Variants in MBD3L2B observed in about 807,000 individuals in gnomAD.
The protein encoded by MBD3L2B is methyl-CpG binding domain protein 3 like 2B.
For synonymous variants in MBD3L2B, 50 were observed against 31.6 expected (o/e 1.58, Z -1.95); for missense variants, 127 against 78.7 (o/e 1.61, Z -2.32).
chr19:7,019,801 C>A, intron 1 of MBD3L2B, 71 bp from the exon 2 acceptor site: 6 of 111,348 alleles, frequency 5.4e-5, no homozygotes, highest in Non-Finnish European at 8.8e-5. Flanking sequence ...TGGGGGGCTT[C>A]TCTCAGCTCA....
chr19:7,019,026 C>G lies in MBD3L2B; in HGVS notation c.*135G>C. On this transcript the variant is annotated 3_prime_UTR_variant, in exon 2 of 2. Coordinates refer to ENST00000636986, the MANE Select transcript of MBD3L2B (RefSeq NM_001364674.2). ...TGGGGAAGTACAAAGTGTGACAATTCATAGCAGGAAAGAGGACGGGCATTA... is the reference window on the plus strand; with the variant it reads ...TGGGGAAGTACAAAGTGTGACAATTGATAGCAGGAAAGAGGACGGGCATTA... The G allele has an allele frequency of 1.5e-6, 1 of 685,294 alleles. No homozygotes were observed. The highest frequency in any genetic ancestry group is 2.7e-6 in the Non-Finnish European group (1 of 373,662). 42.5% of individuals were successfully genotyped at this position (685,294 alleles called of 1,614,324 possible).
In MBD3L2B at chr19:7,019,044, G is replaced by C. The variant is rs549656209; in HGVS notation, c.*117C>G. The C allele has an allele frequency of 1.4e-6, 1 of 699,088 alleles. No individual in the cohort carries two copies. The highest frequency in any genetic ancestry group is 1.8e-5 in the African/African-American group (1 of 56,992). The allele number at this position is 699,088 out of a possible 1,614,324, so 43.3% of individuals were successfully genotyped here. On this transcript the variant is annotated 3_prime_UTR_variant, in exon 2 of 2. Transcript: ENST00000636986. ...GACAATTCATAGCAGGAAAGAGGAC[G>C]GGCATTAAAAGATAGGGATTCAAAA...
Position 7,019,514 on chromosome 19 carries a change from A to G in MBD3L2B, c.262T>C (p.Cys88Arg), listed in dbSNP as rs1276097810. ...AGGGCCTGCAGTCTCCGGTAGGCGCAGAGTTGCTGCGGCTTCTCCAGGTGC... is the reference window on the plus strand; with the variant it reads ...AGGGCCTGCAGTCTCCGGTAGGCGCGGAGTTGCTGCGGCTTCTCCAGGTGC... ...DEHLEKPQQLCAYRRLQALQP... is the reference protein window; with the variant it reads ...DEHLEKPQQLRAYRRLQALQP... The change falls in exon 2 of 2, where the codon TGC becomes CGC. Residue 88 changes from cysteine (C) to arginine (R), a missense_variant. Physicochemically the swap from Cys to Arg is radical, Grantham distance 180. Coordinates refer to ENST00000636986, the MANE Select transcript of MBD3L2B (RefSeq NM_001364674.2). The G allele has an allele frequency of 1.1e-5, 5 of 471,406 alleles. No homozygotes were observed. Among genetic ancestry groups the G allele is most frequent in the Non-Finnish European group, 1.8e-5 (5 of 280,234 alleles). 29.2% of individuals were successfully genotyped at this position (471,406 alleles called of 1,614,324 possible).
chr19:7,019,124 T>C lies in MBD3L2B; in HGVS notation c.*37A>G. ...CAACTGCGGGGCCACACCCCACAGC[T>C]TCTCAGCACCCCCTCCTCCTGCACT... On this transcript the variant is annotated 3_prime_UTR_variant, in exon 2 of 2. Transcript: ENST00000636986. 1 of 718,402 alleles carries C rather than the reference T, an allele frequency of 1.4e-6. No individual in the cohort carries two copies. The highest frequency in any genetic ancestry group is 1.5e-5 in the South Asian group (1 of 67,602). 44.5% of individuals were successfully genotyped at this position (718,402 alleles called of 1,614,324 possible). A position where few individuals can be genotyped will look rare whatever the true frequency, so the allele number is the denominator to read the frequency against.
Position 7,019,141 on chromosome 19 carries a change from T to C in MBD3L2B, c.*20A>G. On this transcript the variant is annotated 3_prime_UTR_variant, in exon 2 of 2. Coordinates refer to ENST00000636986, the MANE Select transcript of MBD3L2B (RefSeq NM_001364674.2). ...CCCACAGCTTCTCAGCACCCCCTCCTCCTGCACTTCATCCACCTGTCACAT... is the reference window on the plus strand; with the variant it reads ...CCCACAGCTTCTCAGCACCCCCTCCCCCTGCACTTCATCCACCTGTCACAT... 1 of 718,604 alleles carries C rather than the reference T, an allele frequency of 1.4e-6. No homozygotes were observed. The highest frequency in any genetic ancestry group is 2.6e-6 in the Non-Finnish European group (1 of 385,168). 44.5% of individuals were successfully genotyped at this position (718,604 alleles called of 1,614,324 possible). A position where few individuals can be genotyped will look rare whatever the true frequency, so the allele number is the denominator to read the frequency against.
chr19:7,019,038 G>C lies in MBD3L2B; in HGVS notation c.*123C>G. 1.4e-6 allele frequency: 1 copy of C among 695,136 alleles called. No homozygotes were observed. Among genetic ancestry groups the C allele is most frequent in the Non-Finnish European group, 2.7e-6 (1 of 377,086 alleles). 43.1% of individuals were successfully genotyped at this position (695,136 alleles called of 1,614,324 possible). A position where few individuals can be genotyped will look rare whatever the true frequency, so the allele number is the denominator to read the frequency against. ...AAGTGTGACAATTCATAGCAGGAAA[G>C]AGGACGGGCATTAAAAGATAGGGAT... On this transcript the variant is annotated 3_prime_UTR_variant, in exon 2 of 2. Transcript: ENST00000636986.
rs1599815167 is a variant in MBD3L2B at position 7,019,363 on chromosome 19, G to A, written c.413C>T (p.Pro138Leu). ...AAACCGCCCAGGGGTGGGCTCAAGC[G>A]GGCTGCGCACACGCTCAGCACCAGC... ...DRAGAERVRSPLEPTPGRFPA... is the reference protein window; with the variant it reads ...DRAGAERVRSLLEPTPGRFPA... The change falls in exon 2 of 2, where the codon CCG (proline) becomes CTG (leucine). Residue 138 changes from proline to leucine, a missense_variant. By Grantham distance (98) the Pro-to-Leu change is moderately conservative. Coordinates refer to ENST00000636986, the MANE Select transcript of MBD3L2B (RefSeq NM_001364674.2). The A allele has an allele frequency of 3.0e-6, 2 of 668,988 alleles. No individual in the cohort carries two copies. Among genetic ancestry groups the A allele is most frequent in the African/African-American group, 2.0e-5 (1 of 51,174 alleles). The allele number at this position is 668,988 out of a possible 1,614,324, so 41.4% of individuals were successfully genotyped here.
chr19:7,019,059 G>C lies in MBD3L2B; in HGVS notation c.*102C>G, dbSNP rs897280835. ...GAAAGAGGACGGGCATTAAAAGATA[G>C]GGATTCAAAACCCAGGACTGTCCCC... is the stretch of plus-strand genomic sequence containing the variant. On this transcript the variant is annotated 3_prime_UTR_variant, in exon 2 of 2. Transcript: ENST00000636986. 5 of 707,572 alleles carry C rather than the reference G, an allele frequency of 7.1e-6. No individual in the cohort carries two copies. Among genetic ancestry groups the C allele is most frequent in the Middle Eastern group, 2.4e-4 (1 of 4,170 alleles). The allele number at this position is 707,572 out of a possible 1,614,324, so 43.8% of individuals were successfully genotyped here. A position where few individuals can be genotyped will look rare whatever the true frequency, so the allele number is the denominator to read the frequency against.
In MBD3L2B at chr19:7,019,010, A is replaced by G. The variant is rs1162496480; in HGVS notation, c.*151T>C. On this transcript the variant is annotated 3_prime_UTR_variant, in exon 2 of 2. Coordinates refer to ENST00000636986, the MANE Select transcript of MBD3L2B (RefSeq NM_001364674.2). Reference sequence around the variant, plus strand: ...TTTAATAAAGAACTGGTGGGGAAGTACAAAGTGTGACAATTCATAGCAGGA... The same window carrying G: ...TTTAATAAAGAACTGGTGGGGAAGTGCAAAGTGTGACAATTCATAGCAGGA... The G allele has an allele frequency of 3.3e-5, 22 of 674,102 alleles. No homozygotes were observed. The highest frequency in any genetic ancestry group is 7.1e-5 in the African/African-American group (4 of 56,624). 41.8% of individuals were successfully genotyped at this position (674,102 alleles called of 1,614,324 possible). A position where few individuals can be genotyped will look rare whatever the true frequency, so the allele number is the denominator to read the frequency against.
At position 7,019,102 on chromosome 19, in the gene MBD3L2B, C is replaced by T. The variant is rs1020539383; in HGVS notation, c.*59G>A. The T allele has an allele frequency of 8.4e-6, 6 of 717,840 alleles. No individual in the cohort carries two copies. In the African/African-American group the frequency reaches 1.0e-4, roughly 13 times the overall value. 44.5% of individuals were successfully genotyped at this position (717,840 alleles called of 1,614,324 possible). Reference sequence around the variant, plus strand: ...CTGTCCCCACTGACTCACCCCCCAACTGCGGGGCCACACCCCACAGCTTCT... The same window carrying T: ...CTGTCCCCACTGACTCACCCCCCAATTGCGGGGCCACACCCCACAGCTTCT... On this transcript the variant is annotated 3_prime_UTR_variant, in exon 2 of 2. Coordinates refer to ENST00000636986, the MANE Select transcript of MBD3L2B (RefSeq NM_001364674.2).
rs1976758876 is a variant in MBD3L2B at position 7,019,032 on chromosome 19, A to G, written c.*129T>C. The G allele has an allele frequency of 2.9e-6, 2 of 690,440 alleles. No homozygotes were observed. The highest frequency in any genetic ancestry group is 1.8e-5 in the African/African-American group (1 of 56,878). The allele number at this position is 690,440 out of a possible 1,614,324, so 42.8% of individuals were successfully genotyped here. On this transcript the variant is annotated 3_prime_UTR_variant, in exon 2 of 2. Coordinates refer to ENST00000636986, the MANE Select transcript of MBD3L2B (RefSeq NM_001364674.2). ...AGTACAAAGTGTGACAATTCATAGC[A>G]GGAAAGAGGACGGGCATTAAAAGAT...
chr19:7,019,428 A>G lies in MBD3L2B; in HGVS notation c.348T>C (p.Ser116=), dbSNP rs1425787646. 1.7e-6 allele frequency: 1 copy of G among 583,664 alleles called. No individual in the cohort carries two copies. The allele number at this position is 583,664 out of a possible 1,614,324, so 36.2% of individuals were successfully genotyped here. ...CACCGGCCGTCCCCGGTGCAAGGATACTTAAGACGCTCTCCAAATGCAGTG... is the reference window on the plus strand; with the variant it reads ...CACCGGCCGTCCCCGGTGCAAGGATGCTTAAGACGCTCTCCAAATGCAGTG... ...SSPLHLESVL[S]ILAPGTAGES... Residue 116 remains serine, a synonymous_variant, in exon 2 of 2, where the codon AGT becomes AGC. Coordinates refer to ENST00000636986, the MANE Select transcript of MBD3L2B (RefSeq NM_001364674.2).
rs750820517 is a variant in MBD3L2B, at chr19:7,019,180, G to C, written c.596C>G (p.Ala199Gly). The C allele has an allele frequency of 1.4e-6, 1 of 718,968 alleles. No individual in the cohort carries two copies. Among genetic ancestry groups the C allele is most frequent in the South Asian group, 1.5e-5 (1 of 67,636 alleles). The allele number at this position is 718,968 out of a possible 1,614,324, so 44.5% of individuals were successfully genotyped here. A position where few individuals can be genotyped will look rare whatever the true frequency, so the allele number is the denominator to read the frequency against. ...CACCTGTCACATTTCTGCCCGCCTG[G>C]CCAGCCTGTCTGCCTGCAAGGCCTT... ...LAKALQADRL[A>G]RRAEM Residue 199 changes from alanine (A) to glycine (G), a missense_variant, in exon 2 of 2, where the codon GCC becomes GGC. By Grantham distance (60) the Ala-to-Gly change is moderately conservative (BLOSUM62 0). Coordinates refer to ENST00000636986, the MANE Select transcript of MBD3L2B (RefSeq NM_001364674.2).
rs933985891 is a variant in MBD3L2B, at chr19:7,019,000, G to T, written c.*161C>A. 4.5e-6 allele frequency: 3 copies of T among 665,904 alleles called. No homozygotes were observed. The highest frequency in any genetic ancestry group is 2.2e-5 in the Admixed American group (1 of 45,934). The allele number at this position is 665,904 out of a possible 1,614,324, so 41.2% of individuals were successfully genotyped here. A position where few individuals can be genotyped will look rare whatever the true frequency, so the allele number is the denominator to read the frequency against. ...TTCAAATGCTTTTAATAAAGAACTGGTGGGGAAGTACAAAGTGTGACAATT... is the reference window on the plus strand; with the variant it reads ...TTCAAATGCTTTTAATAAAGAACTGTTGGGGAAGTACAAAGTGTGACAATT... On this transcript the variant is annotated 3_prime_UTR_variant, in exon 2 of 2. Coordinates refer to ENST00000636986, the MANE Select transcript of MBD3L2B (RefSeq NM_001364674.2).
At position 7,019,379 on chromosome 19, in the gene MBD3L2B, C is replaced by G; in HGVS notation, c.397G>C (p.Glu133Gln). 1.5e-6 allele frequency: 1 copy of G among 654,876 alleles called. No individual in the cohort carries two copies. The highest frequency in any genetic ancestry group is 2.8e-6 in the Non-Finnish European group (1 of 362,978). The allele number at this position is 654,876 out of a possible 1,614,324, so 40.6% of individuals were successfully genotyped here. ...GGCTCAAGCGGGCTGCGCACACGCT[C>G]AGCACCAGCTCTGTCCAGAGATTCA... is the stretch of plus-strand genomic sequence containing the variant. ...AGESLDRAGAERVRSPLEPTP... is the reference protein window; with the variant it reads ...AGESLDRAGAQRVRSPLEPTP... The change falls in exon 2 of 2, where the codon GAG becomes CAG. Residue 133 changes from glutamate to glutamine, a missense_variant. Coordinates refer to ENST00000636986, the MANE Select transcript of MBD3L2B (RefSeq NM_001364674.2).
Position 7,019,320 on chromosome 19 carries a change from C to T in MBD3L2B, c.456G>A (p.Gly152=), listed in dbSNP as rs1270985767. 2.9e-6 allele frequency: 2 copies of T among 688,670 alleles called. No homozygotes were observed. Among genetic ancestry groups the T allele is most frequent in the Non-Finnish European group, 5.3e-6 (2 of 376,760 alleles). 42.7% of individuals were successfully genotyped at this position (688,670 alleles called of 1,614,324 possible). A position where few individuals can be genotyped will look rare whatever the true frequency, so the allele number is the denominator to read the frequency against. The change falls in exon 2 of 2, where the codon GGG becomes GGA. Residue 152 remains glycine, a synonymous_variant. Transcript: ENST00000636986. ...TPGRFPAVAG[G]PTPGMGCQLP... is the part of the protein sequence containing the mutation. ...GCTGACAACCCATTCCTGGGGTTGG[C>T]CCCCCTGCCACAGCTGGAAACCGCC... is the stretch of plus-strand genomic sequence containing the variant.
At position 7,019,060 on chromosome 19, in the gene MBD3L2B, G is replaced by C. The variant is rs1362993973; in HGVS notation, c.*101C>G. On this transcript the variant is annotated 3_prime_UTR_variant, in exon 2 of 2. Coordinates refer to ENST00000636986, the MANE Select transcript of MBD3L2B (RefSeq NM_001364674.2). ...AAAGAGGACGGGCATTAAAAGATAG[G>C]GATTCAAAACCCAGGACTGTCCCCA... is the stretch of plus-strand genomic sequence containing the variant. 2 of 707,870 alleles carry C rather than the reference G, an allele frequency of 2.8e-6. No individual in the cohort carries two copies. The highest frequency in any genetic ancestry group is 1.8e-5 in the African/African-American group (1 of 57,080). The allele number at this position is 707,870 out of a possible 1,614,324, so 43.8% of individuals were successfully genotyped here.
At position 7,019,191 on chromosome 19, in the gene MBD3L2B, T is replaced by G. The variant is rs1327469703; in HGVS notation, c.585A>C (p.Ala195=). Residue 195 remains alanine, a synonymous_variant, in exon 2 of 2, where the codon GCA becomes GCC. Transcript: ENST00000636986. ...ARERLAKALQ[A]DRLARRAEM The stretch of plus-strand genomic sequence containing the variant: ...TTTCTGCCCGCCTGGCCAGCCTGTC[T>G]GCCTGCAAGGCCTTGGCCAGTCTCT... 2.8e-6 allele frequency: 2 copies of G among 718,960 alleles called. No homozygotes were observed. Among genetic ancestry groups the G allele is most frequent in the Non-Finnish European group, 5.2e-6 (2 of 385,382 alleles). The allele number at this position is 718,960 out of a possible 1,614,324, so 44.5% of individuals were successfully genotyped here.
At position 7,019,636 on chromosome 19, in the gene MBD3L2B, G is replaced by A. The variant is rs1272915550; in HGVS notation, c.140C>T (p.Ala47Val). The change falls in exon 2 of 2, where the codon GCT (alanine) becomes GTT (valine). Residue 47 changes from alanine to valine, a missense_variant. Physicochemically the swap from Ala to Val is moderately conservative, Grantham distance 64. Coordinates refer to ENST00000636986, the MANE Select transcript of MBD3L2B (RefSeq NM_001364674.2). ...KAHRRRAARS[A>V]LPMRLTSCIF... is the part of the protein sequence containing the mutation. ...GCAGCTGGTGAGTCTCATGGGGAGAGCAGACCTCGCAGCTCGTCTCCGATG... is the reference window on the plus strand; with the variant it reads ...GCAGCTGGTGAGTCTCATGGGGAGAACAGACCTCGCAGCTCGTCTCCGATG... 4.6e-4 allele frequency: 177 copies of A among 387,390 alleles called. No homozygotes were observed. In the African/African-American group the frequency reaches 0.013, roughly 28 times the overall value. 24.0% of individuals were successfully genotyped at this position (387,390 alleles called of 1,614,324 possible).
Sources: gnomAD v4.1 joint callset for allele counts on GRCh38, gnomAD v4.1.1 for gene constraint, MANE v1.5 for transcripts, NCBI Gene and HGNC (gene_info 2026-07-23, HGNC 2026-07-21) for gene names.